Variants in PROZ observed in about 807,000 individuals in gnomAD.
PROZ encodes the protein protein Z, vitamin K dependent plasma glycoprotein.
In PROZ, 46 loss-of-function variants were observed where a neutral mutation model predicts 34.9. The ratio of observed to expected loss-of-function variants is 1.32; its 90% CI spans 1.04 to 1.69. The LOEUF (loss-of-function observed/expected upper bound fraction) is 1.69. Among genes scored for constraint, PROZ ranks in the 40% most tolerant of loss-of-function variants. The pLI, the probability that PROZ is intolerant of heterozygous loss-of-function variation, is 0.00. For synonymous variants in PROZ, 195 were observed against 208.5 expected, an observed-to-expected ratio of 0.94 and a Z score of 0.56; for missense variants, 530 against 520.4, an observed-to-expected ratio of 1.02 and a Z score of -0.18.
intron 6 of PROZ, 84 bp downstream of exon 6, chr13:113,165,204 C>G: frequency 7.2e-7 from 1 of 1,395,240 alleles, no homozygotes; most frequent in Non-Finnish European, 1.0e-6. Context: ...ATGTTGACAA[C>G]TAAGTGAATC....
chr13:113,159,397 C>A lies in PROZ; in HGVS notation c.71-617C>A, dbSNP rs989226655. Reference sequence around the variant, plus strand: ...CCGTAGCCGGACTTAGCTGAGCCCCCCCTGCTGTAACCCTCAGCACCGAGA... The same window carrying A: ...CCGTAGCCGGACTTAGCTGAGCCCCACCTGCTGTAACCCTCAGCACCGAGA... On this transcript the variant is annotated intron_variant, in intron 1 of 7. Transcript: ENST00000375547. This position sits in a 1 kb window ranked among gnomAD's most constrained non-coding sequence, Gnocchi z 4.6. 5 of 939,736 alleles carry A rather than the reference C, an allele frequency of 5.3e-6. No homozygotes were observed. The highest frequency in any genetic ancestry group is 3.1e-5 in the South Asian group (2 of 64,594). The allele number at this position is 939,736 out of a possible 1,614,324, so 58.2% of individuals were successfully genotyped here. A position where few individuals can be genotyped will look rare whatever the true frequency, so the allele number is the denominator to read the frequency against.
In PROZ at chr13:113,171,726, G is replaced by A. The variant is rs139742813; in HGVS notation, c.824G>A (p.Gly275Asp). The A allele has an allele frequency of 1.4e-3, 2,305 of 1,612,572 alleles. 34 individuals carry two copies. Among genetic ancestry groups the A allele is most frequent in the Non-Finnish European group, 4.9e-4 (574 of 1,178,980 alleles). Reference sequence around the variant, plus strand: ...CTGGAGTGGCCCATCCAGTGCCCAGGTGCGGGGCTCCCCGTGTGCACCCCT... The same window carrying A: ...CTGGAGTGGCCCATCCAGTGCCCAGATGCGGGGCTCCCCGTGTGCACCCCT... ...LELEWPIQCP[G>D]AGLPVCTPEK... is the part of the protein sequence containing the mutation. Residue 275 changes from glycine (G) to aspartate (D), a missense_variant, in exon 8 of 8, where the codon GGT becomes GAT. Transcript: ENST00000375547. The surrounding 1 kb of genome is among the most constrained non-coding windows in gnomAD (Gnocchi z 5.1).
rs748707815 is a variant in PROZ, at chr13:113,170,495, G to A, written c.656G>A (p.Cys219Tyr). Reference protein sequence around the residue: ...RENFVLTTAKCSLLHRNITVK... With the variant: ...RENFVLTTAKYSLLHRNITVK... ...AATTTTGTACTGACAACAGCAAAAT[G>A]TTCACTGTTACACAGGAATATTACT... Residue 219 changes from cysteine to tyrosine, a missense_variant, in exon 7 of 8, where the codon TGT (cysteine) becomes TAT (tyrosine). Transcript: ENST00000375547. 5.0e-6 allele frequency: 8 copies of A among 1,602,376 alleles called. No homozygotes were observed. The highest frequency in any genetic ancestry group is 6.8e-6 in the Non-Finnish European group (8 of 1,169,482).
Position 113,164,111 on chromosome 13 carries a change from C to T in PROZ, c.374-402C>T, listed in dbSNP as rs544010198. On this transcript the variant is annotated intron_variant, in intron 4 of 7. Transcript: ENST00000375547. Reference sequence around the variant, plus strand: ...TCTCCTGCCTCAGCCTCCCGAGTAACTGGGACTACAGGCACGCGCCACCAC... The same window carrying T: ...TCTCCTGCCTCAGCCTCCCGAGTAATTGGGACTACAGGCACGCGCCACCAC... Among the ~76,000 whole-genome samples the T allele has an allele frequency of 8.5e-4, 129 of 152,152 alleles. 1 individual carries two copies. Among genetic ancestry groups the T allele is most frequent in the African/African-American group, 3.1e-3 (127 of 41,492 alleles).
chr13:113,164,010 C>T (rs528166703), intron 4 of PROZ, among the ~76,000 whole-genome samples: 17 of 150,052 alleles, frequency 1.1e-4, no homozygotes, highest in African/African-American at 3.7e-4. Flanking sequence ...GATGGAGTCT[C>T]GCTCTGTCGC....
chr13:113,164,263 C>G (rs893868802), intron 4 of PROZ, among the ~76,000 whole-genome samples: 1 of 152,140 alleles, frequency 6.6e-6, no homozygotes, highest in East Asian at 1.9e-4. Flanking sequence ...CAGGCATGAG[C>G]CACCGCGCCC....
chr13:113,164,884 A>G, intron 5 of PROZ, 169 bp from the exon 6 acceptor site: 1 of 942,554 alleles, frequency 1.1e-6, no homozygotes, highest in Non-Finnish European at 1.6e-6. Flanking sequence ...GGGTGGTTTA[A>G]CTCCAGTCTG....
chr13:113,159,918 G>GCTGGGGCTGGCGGCCGGC lies in PROZ; in HGVS notation c.71-94_71-77dup. The GCTGGGGCTGGCGGCCGGC allele has an allele frequency of 1.4e-6, 2 of 1,459,664 alleles. No homozygotes were observed. Among genetic ancestry groups the GCTGGGGCTGGCGGCCGGC allele is most frequent in the Non-Finnish European group, 1.9e-6 (2 of 1,042,626 alleles). The allele number at this position is 1,459,664 out of a possible 1,614,324, so 90.4% of individuals were successfully genotyped here. Reference sequence around the variant, plus strand: ...CTGAGAGCCTGTGGAGACGGACGGGGCTGGGGCTGGCGGCCGGCCGGGGAG... The same window carrying GCTGGGGCTGGCGGCCGGC: ...CTGAGAGCCTGTGGAGACGGACGGGGCTGGGGCTGGCGGCCGGCCTGGGGCTGGCGGCCGGCCGGGGAG... On this transcript the variant is annotated intron_variant, in intron 1 of 7. Coordinates refer to ENST00000375547, the MANE Select transcript of PROZ (RefSeq NM_003891.3). The surrounding 1 kb of genome is among the most constrained non-coding windows in gnomAD (Gnocchi z 4.6).
In PROZ at chr13:113,163,041, C is replaced by T; in HGVS notation, c.292C>T (p.His98Tyr). ...GSPCISQPCL[H>Y]NGSCQDSIWG... Reference sequence around the variant, plus strand: ...CCCGTGCATCTCCCAGCCCTGCCTCCACAACGGCTCTTGCCAGGACAGCAT... The same window carrying T: ...CCCGTGCATCTCCCAGCCCTGCCTCTACAACGGCTCTTGCCAGGACAGCAT... Residue 98 changes from histidine (H) to tyrosine (Y), a missense_variant, in exon 4 of 8, where the codon CAC becomes TAC. By Grantham distance (83) the His-to-Tyr change is moderately conservative (BLOSUM62 2). Transcript: ENST00000375547. 3.2e-6 allele frequency: 5 copies of T among 1,561,538 alleles called. No homozygotes were observed. The highest frequency in any genetic ancestry group is 4.3e-6 in the Non-Finnish European group (5 of 1,152,092).
rs2036735936 is a variant in PROZ, at chr13:113,160,130, T to A, written c.187T>A (p.Cys63Ser). The change falls in exon 2 of 8, where the codon TGT (cysteine) becomes AGT (serine). Residue 63 changes from cysteine (C) to serine (S), a missense_variant. Physicochemically the swap from Cys to Ser is moderately radical, Grantham distance 112. Transcript: ENST00000375547. ...NLEKECYEEI[C>S]VYEEAREVFE... ...GGAAAAAGAATGTTATGAAGAAATC[T>A]GTGTCTATGAAGAAGCAAGAGAAGT... 6.2e-7 allele frequency: 1 copy of A among 1,614,054 alleles called. No homozygotes were observed. The highest frequency in any genetic ancestry group is 8.5e-7 in the Non-Finnish European group (1 of 1,180,044).
Position 113,163,121 on chromosome 13 carries a change from G to A in PROZ, c.372G>A (p.Leu124=). Residue 124 remains leucine (L), a splice_region_variant and synonymous_variant, in exon 4 of 8, where the codon CTG becomes CTA. Transcript: ENST00000375547. The part of the protein sequence containing the change: ...SPGYEGSNCE[L]AKNECHPERT... ...GCTATGAGGGCAGCAACTGCGAGCT[G>A]GGTGAGGCCCCGGCCGTCCCCTTCC... 1 of 1,550,374 alleles carries A rather than the reference G, an allele frequency of 6.5e-7. No individual in the cohort carries two copies. Among genetic ancestry groups the A allele is most frequent in the East Asian group, 2.4e-5 (1 of 40,998 alleles).
At chr13:113,165,032 A>C (rs771213248) in intron 5 of PROZ, 21 bp from the exon 6 acceptor site, 19 of 1,612,768 alleles carry the variant, frequency 1.2e-5, no homozygotes, top group Non-Finnish European at 1.6e-5. Flanking sequence ...TTTTATTCTC[A>C]TGTTGCTGCC....
intron 2 of PROZ, among the ~76,000 whole-genome samples, chr13:113,160,521 A>T (rs1165603021): frequency 2.0e-5 from 3 of 152,158 alleles, no homozygotes; most frequent in Non-Finnish European, 1.5e-5. Context: ...ACCCCAAACT[A>T]AGTGTCCCCA....
At chr13:113,163,637 C>T (rs543948362) in intron 4 of PROZ, among the ~76,000 whole-genome samples, 7 of 152,328 alleles carry the variant, frequency 4.6e-5, no homozygotes, top group African/African-American at 1.7e-4. Flanking sequence ...CGAGCCCTCT[C>T]CTCCGAAGTC....
chr13:113,170,521 G>C lies in PROZ; in HGVS notation c.682G>C (p.Val228Leu). ...KCSLLHRNIT[V>L]KTYFNRTSQD... ...TTCACTGTTACACAGGAATATTACT[G>C]TAAAAACATGTAAGTATTTTATCAT... The change falls in exon 7 of 8, where the codon GTA (valine) becomes CTA (leucine). Residue 228 changes from valine (V) to leucine (L), a missense_variant. Val to Leu is a conservative substitution (Grantham distance 32). Transcript: ENST00000375547. 6.5e-7 allele frequency: 1 copy of C among 1,538,932 alleles called. No homozygotes were observed. Among genetic ancestry groups the C allele is most frequent in the African/African-American group, 1.4e-5 (1 of 73,352 alleles).
chr13:113,164,610 G>A lies in PROZ; in HGVS notation c.471G>A (p.Arg157=), dbSNP rs972837970. ...CATGCAGCTGTGCTCAGGGCTACAG[G>A]CTTGGTGAGGACCACAAACAGTGTG... ...SYTCSCAQGY[R]LGEDHKQCVP... is the part of the protein sequence containing the mutation. The change falls in exon 5 of 8, where the codon AGG becomes AGA. Residue 157 remains arginine, a synonymous_variant. Coordinates refer to ENST00000375547, the MANE Select transcript of PROZ (RefSeq NM_003891.3). 6.2e-7 allele frequency: 1 copy of A among 1,613,862 alleles called. No individual in the cohort carries two copies. Among genetic ancestry groups the A allele is most frequent in the Admixed American group, 1.7e-5 (1 of 60,012 alleles).
At chr13:113,170,368 T>A (rs1222659992) in intron 6 of PROZ, 45 bp from the exon 7 acceptor site, 1 of 1,252,556 alleles carries the variant, frequency 8.0e-7, no homozygotes, top group Non-Finnish European at 1.2e-6. Context: ...CCCCTAATCC[T>A]GCAAATTGTC....
intron 7 of PROZ, 87 bp downstream of exon 7, chr13:113,170,617 C>A: frequency 1.2e-6 from 1 of 864,816 alleles, no homozygotes; most frequent in Non-Finnish European, 2.0e-6. Context: ...TAAAACTGGA[C>A]TGTTTCTAAT....
intron 4 of PROZ, 45 bp from the exon 5 acceptor site, chr13:113,164,468 G>C (rs770904799): frequency 6.2e-7 from 1 of 1,602,778 alleles, no homozygotes; most frequent in South Asian, 1.1e-5. Context: ...GTGATAAAAT[G>C]ACTATTTCCA....
Sources: allele counts gnomAD v4.1 joint callset (sites outside exome capture counted in the v4.1 genomes callset), GRCh38; gene constraint gnomAD v4.1.1; non-coding constraint Gnocchi (gnomAD v3.1); transcripts MANE v1.5; gene names NCBI Gene and HGNC (gene_info 2026-07-23, HGNC 2026-07-21).